TCF7L2: variants seen among roughly 807,000 people sequenced by gnomAD.
TCF7L2 encodes transcription factor 7 like 2, also known as transcription factor 7-like 2.
TCF7L2 carries 23 observed loss-of-function variants against 77.9 expected under a neutral mutation model. The observed-to-expected ratio is 0.30, with a 90% CI of 0.21 to 0.42. The LOEUF (loss-of-function observed/expected upper bound fraction) is 0.42. TCF7L2 is among the 10% of genes least tolerant of loss of function. TCF7L2 has a pLI of 1.00. For missense variants in TCF7L2, 654 were observed against 793.1 expected (o/e 0.82, Z 2.11); for synonymous variants, 413 against 340.2 (o/e 1.21, Z -2.36).
At chr10:113,149,759 G>A (rs990204058) in intron 8 of TCF7L2, among the ~76,000 whole-genome samples, 1 of 145,162 alleles carries the variant, frequency 6.9e-6, no homozygotes, top group South Asian at 2.1e-4. Flanking sequence ...CTTTGGTTTG[G>A]ACTTATTAAG....
chr10:112,997,874 T>TG (rs964788324), intron 4 of TCF7L2, among the ~76,000 whole-genome samples: 5 of 152,254 alleles, frequency 3.3e-5, no homozygotes, highest in African/African-American at 1.2e-4. Flanking sequence ...GGTTTTTGCC[T>TG]GCAACCTTGC....
intron 3 of TCF7L2, among the ~76,000 whole-genome samples, chr10:112,954,407 T>C (rs2032936078): frequency 6.6e-6 from 1 of 152,232 alleles, no homozygotes; most frequent in South Asian, 2.1e-4. Flanking sequence ...CGGCTTATGA[T>C]GAATAATACA....
At chr10:112,994,926 C>T (rs2133197456) in intron 4 of TCF7L2, among the ~76,000 whole-genome samples, 1 of 152,202 alleles carries the variant, frequency 6.6e-6, no homozygotes, top group South Asian at 2.1e-4. Flanking sequence ...ATGGCGAAAC[C>T]CCATCTCTAC....
intron 7 of TCF7L2, among the ~76,000 whole-genome samples, chr10:113,144,708 A>G (rs536736400): frequency 1.6e-4 from 24 of 152,312 alleles, no homozygotes; most frequent in African/African-American, 4.6e-4. Flanking sequence ...TGGAACCGTC[A>G]CTGCAGCATG....
intron 5 of TCF7L2, among the ~76,000 whole-genome samples, chr10:113,085,841 G>A (rs1217082249): frequency 6.6e-6 from 1 of 152,208 alleles, no homozygotes; most frequent in Non-Finnish European, 1.5e-5. Flanking sequence ...CAGTGTTTCT[G>A]GAGAAAGCCA....
At chr10:112,994,805 T>TA (rs932670344) in intron 4 of TCF7L2, among the ~76,000 whole-genome samples, 20 of 150,826 alleles carry the variant, frequency 1.3e-4, no homozygotes, top group East Asian at 7.8e-4. Context: ...GAGACCCTGT[T>TA]AAAAAAAAAG....
At chr10:113,011,280 G>A (rs1202504697) in intron 4 of TCF7L2, among the ~76,000 whole-genome samples, 1 of 152,184 alleles carries the variant, frequency 6.6e-6, no homozygotes, top group Non-Finnish European at 1.5e-5. Context: ...AAAGCACAGG[G>A]CCATAGAGTT....
At chr10:113,154,032 A>T (rs753487476) in intron 11 of TCF7L2, among the ~76,000 whole-genome samples, 6 of 152,132 alleles carry the variant, frequency 3.9e-5, no homozygotes, top group Non-Finnish European at 8.8e-5. Context: ...GAGTGCTGGC[A>T]CCTCTGGGAT....
chr10:113,112,539 T>C (rs2063266341), intron 5 of TCF7L2, among the ~76,000 whole-genome samples: 1 of 152,222 alleles, frequency 6.6e-6, no homozygotes, highest in South Asian at 2.1e-4. Context: ...ACCTAATTTC[T>C]CTGAGAACAC....
intron 5 of TCF7L2, among the ~76,000 whole-genome samples, chr10:113,081,698 A>G (rs186011250): frequency 6.6e-6 from 1 of 152,188 alleles, no homozygotes; most frequent in Admixed American, 6.5e-5. Context: ...GTCACATTGA[A>G]CCTCATCCCT....
intron 4 of TCF7L2, among the ~76,000 whole-genome samples, chr10:113,003,193 C>T (rs2044806492): frequency 6.6e-6 from 1 of 152,196 alleles, no homozygotes; most frequent in South Asian, 2.1e-4. Flanking sequence ...CCAATAAGGG[C>T]CTGTCTCTTT....
At chr10:113,062,692 G>A (rs1288999821) in intron 5 of TCF7L2, among the ~76,000 whole-genome samples, 1 of 152,054 alleles carries the variant, frequency 6.6e-6, no homozygotes, top group East Asian at 1.9e-4. Flanking sequence ...GGTAAAATTC[G>A]GTCCAATTAA....
chr10:112,989,361 T>TA (rs879671758), intron 4 of TCF7L2, among the ~76,000 whole-genome samples: 196 of 135,468 alleles, frequency 1.4e-3, no homozygotes, highest in African/African-American at 1.4e-3. Context: ...AGTTCACCAT[T>TA]AAAAAAAAAA....
At chr10:112,997,324 G>T (rs1051752370) in intron 4 of TCF7L2, among the ~76,000 whole-genome samples, 25 of 152,208 alleles carry the variant, frequency 1.6e-4, no homozygotes. Context: ...GTCTTGATTG[G>T]AGCCATGACA....
At chr10:112,988,861 A>T (rs1481420484) in intron 4 of TCF7L2, among the ~76,000 whole-genome samples, 1 of 152,214 alleles carries the variant, frequency 6.6e-6, no homozygotes. Flanking sequence ...ATATATGGAC[A>T]TTATATATTG....
chr10:112,980,063 G>A (rs1211477460), intron 4 of TCF7L2, among the ~76,000 whole-genome samples: 1 of 152,170 alleles, frequency 6.6e-6, no homozygotes, highest in Non-Finnish European at 1.5e-5. Context: ...AGAATCATCT[G>A]TTGTGTTCCA....
chr10:113,135,026 T>C (rs1338818804), intron 5 of TCF7L2, among the ~76,000 whole-genome samples: 3 of 152,206 alleles, frequency 2.0e-5, no homozygotes, highest in Non-Finnish European at 4.4e-5. Flanking sequence ...TGTTGATTAA[T>C]AGGTTGCGGA....
chr10:113,009,971 T>A (rs1450804206), intron 4 of TCF7L2, among the ~76,000 whole-genome samples: 1 of 152,078 alleles, frequency 6.6e-6, no homozygotes, highest in Non-Finnish European at 1.5e-5. Flanking sequence ...AGTCTTTGGT[T>A]GGGCTTCTTT....
intron 4 of TCF7L2, among the ~76,000 whole-genome samples, chr10:113,033,316 T>A (rs920764472): frequency 5.9e-5 from 9 of 152,166 alleles, no homozygotes; most frequent in Non-Finnish European, 1.3e-4. Flanking sequence ...TGGAGTGCAG[T>A]GGCACCTTCT....
Sources: gnomAD v4.1 joint callset for allele counts (sites outside exome capture counted in the v4.1 genomes callset) on GRCh38, gnomAD v4.1.1 for gene constraint, MANE v1.5 for transcripts, NCBI Gene and HGNC (gene_info 2026-07-23, HGNC 2026-07-21) for gene names.